Variants in SLC44A3 observed in about 807,000 individuals in gnomAD.
The protein encoded by SLC44A3 is solute carrier family 44 member 3.
A neutral mutation model predicts 75.4 loss-of-function variants in SLC44A3; 74 were observed. The observed-to-expected ratio is 0.98, with a 90% CI of 0.81 to 1.19. The LOEUF (loss-of-function observed/expected upper bound fraction) is 1.19. Among genes scored for constraint, SLC44A3 ranks in the 50% most tolerant of loss-of-function variants. The probability of loss-of-function intolerance (pLI) is 0.00; values close to 1 mark genes in which losing one functional copy is unlikely to be tolerated. For synonymous variants in SLC44A3, 310 were observed against 296.9 expected (o/e 1.04, Z -0.45); for missense variants, 700 against 778.6 (o/e 0.90, Z 1.20).
intron 5 of SLC44A3, among the ~76,000 whole-genome samples, chr1:94,829,286 A>G (rs1465518069): frequency 9.6e-6 from 1 of 104,184 alleles, no homozygotes; most frequent in Admixed American, 9.8e-5. Flanking sequence ...TGTCTCAAAA[A>G]AAAAAAGAAA....
rs556974270 is a variant in SLC44A3, at chr1:94,868,085, C to T, written c.1482+668C>T. 5.9e-5 allele frequency among the ~76,000 whole-genome samples: 9 copies of T among 152,172 alleles called. No individual in the cohort carries two copies. In the South Asian group the frequency reaches 1.5e-3, roughly 25 times the overall value. On this transcript the variant is annotated intron_variant, in intron 12 of 14. Coordinates refer to ENST00000271227, the MANE Select transcript of SLC44A3 (RefSeq NM_001114106.3). Reference sequence around the variant, plus strand: ...GCCTTTAAAATTATAAAAATTATATCTTGCAATTGTTTGGATTTCAGATTT... The same window carrying T: ...GCCTTTAAAATTATAAAAATTATATTTTGCAATTGTTTGGATTTCAGATTT...
At chr1:94,865,565 A>G (rs1040361918) in intron 11 of SLC44A3, among the ~76,000 whole-genome samples, 1 of 152,172 alleles carries the variant, frequency 6.6e-6, no homozygotes, top group Non-Finnish European at 1.5e-5. Context: ...ATTTCCATGC[A>G]CATTTGGTTA....
At chr1:94,849,060 G>A (rs1664842063) in intron 9 of SLC44A3, among the ~76,000 whole-genome samples, 1 of 152,072 alleles carries the variant, frequency 6.6e-6, no homozygotes, top group Non-Finnish European at 1.5e-5. Flanking sequence ...CCCCTTAACT[G>A]CCAGCCTGTG....
At chr1:94,892,199 T>C (rs1217971926) in intron 13 of SLC44A3, 82 bp from the exon 14 acceptor site, 1 of 1,282,112 alleles carries the variant, frequency 7.8e-7, no homozygotes, top group African/African-American at 1.5e-5. Context: ...CAGGAACGTA[T>C]ATTAAACCAT....
chr1:94,830,494 A>G (rs1782396), intron 5 of SLC44A3, among the ~76,000 whole-genome samples: 79,194 of 151,722 alleles, frequency 0.52, 20,831 homozygotes, highest in East Asian at 0.69. Context: ...TACAGGCATG[A>G]TCCACCACGC....
At chr1:94,850,212 T>A (rs1412121891) in intron 9 of SLC44A3, among the ~76,000 whole-genome samples, 2 of 152,122 alleles carry the variant, frequency 1.3e-5, no homozygotes, top group Non-Finnish European at 2.9e-5. Flanking sequence ...TTTCAGCAGG[T>A]CATATCAAGC....
In SLC44A3 at chr1:94,895,044, T is replaced by C. The variant is rs1013538115; in HGVS notation, c.*122T>C. On this transcript the variant is annotated 3_prime_UTR_variant, in exon 15 of 15. Transcript: ENST00000271227. ...TTTTTAAAAGACCTAATAAACCCTATTCTTCCTCATTGTCTTTGTCATTAT... is the reference window on the plus strand; with the variant it reads ...TTTTTAAAAGACCTAATAAACCCTACTCTTCCTCATTGTCTTTGTCATTAT... The C allele has an allele frequency of 1.8e-5, 12 of 649,296 alleles. No individual in the cohort carries two copies. The highest frequency in any genetic ancestry group is 3.2e-5 in the Non-Finnish European group (12 of 373,046). The allele number at this position is 649,296 out of a possible 1,614,324, so 40.2% of individuals were successfully genotyped here.
At chr1:94,854,483 C>T (rs931390978) in intron 9 of SLC44A3, among the ~76,000 whole-genome samples, 6 of 152,330 alleles carry the variant, frequency 3.9e-5, no homozygotes, top group African/African-American at 1.4e-4. Flanking sequence ...ATTAGCTACC[C>T]ATGATAGTAG....
chr1:94,841,204 G>A (rs1423774811), intron 7 of SLC44A3, among the ~76,000 whole-genome samples: 1 of 152,192 alleles, frequency 6.6e-6, no homozygotes, highest in African/African-American at 2.4e-5. Context: ...ACACATCTAA[G>A]CACAGAAAAG....
chr1:94,841,505 T>G (rs912178279), intron 7 of SLC44A3, among the ~76,000 whole-genome samples: 1 of 152,178 alleles, frequency 6.6e-6, no homozygotes, highest in Non-Finnish European at 1.5e-5. Flanking sequence ...GTGGAGTACT[T>G]GCAATGTCAG....
chr1:94,862,062 T>C (rs1185926602), intron 10 of SLC44A3, among the ~76,000 whole-genome samples: 2 of 152,056 alleles, frequency 1.3e-5, no homozygotes, highest in African/African-American at 4.8e-5. Context: ...CTAGCAAGAG[T>C]TACCCAGGCC....
At chr1:94,865,390 G>A (rs961026110) in intron 11 of SLC44A3, among the ~76,000 whole-genome samples, 1 of 152,132 alleles carries the variant, frequency 6.6e-6, no homozygotes, top group Non-Finnish European at 1.5e-5. Context: ...GAGGAAGAAC[G>A]AGGGAGAAAA....
chr1:94,868,556 T>TA (rs1304222576), intron 12 of SLC44A3, among the ~76,000 whole-genome samples: 1 of 152,202 alleles, frequency 6.6e-6, no homozygotes, highest in Non-Finnish European at 1.5e-5. Context: ...GGGGAACATA[T>TA]AACAAGTCAG....
chr1:94,824,179 G>A (rs12059131), intron 2 of SLC44A3, among the ~76,000 whole-genome samples: 2,323 of 151,848 alleles, frequency 0.015, 55 homozygotes, highest in African/African-American at 0.054. Flanking sequence ...AAATTGAATT[G>A]TCCCAGTAAA....
At chr1:94,827,420 T>C (rs1046424165) in intron 3 of SLC44A3, 87 bp from the exon 4 acceptor site, 2 of 1,524,134 alleles carry the variant, frequency 1.3e-6, no homozygotes, top group African/African-American at 1.4e-5. Context: ...CTGCATTTGA[T>C]AGCATGTGGA....
Position 94,820,481 on chromosome 1 carries a change from A to AAGCGCTCGCAGCCTC in SLC44A3, c.27+4_27+18dup. The AAGCGCTCGCAGCCTC allele has an allele frequency of 6.7e-7, 1 of 1,494,628 alleles. No homozygotes were observed. Among genetic ancestry groups the AAGCGCTCGCAGCCTC allele is most frequent in the Middle Eastern group, 1.8e-4 (1 of 5,482 alleles). 92.6% of individuals were successfully genotyped at this position (1,494,628 alleles called of 1,614,324 possible). ...ACTGCCTGGGCGCCGAGTACCTGGT[A>AAGCGCTCGCAGCCTC]AGCGCTCGCAGCCTCGGCCCTCGGG... On this transcript the variant is annotated splice_donor_region_variant and intron_variant, in intron 1 of 14. Transcript: ENST00000271227.
intron 12 of SLC44A3, chr1:94,888,840 C>A: frequency 3.0e-6 from 1 of 332,278 alleles, no homozygotes; most frequent in Non-Finnish European, 4.3e-6. Flanking sequence ...AGCGTTTCTC[C>A]TGCCTCAGCC....
At chr1:94,881,975 G>A (rs572874320) in intron 12 of SLC44A3, among the ~76,000 whole-genome samples, 4 of 151,998 alleles carry the variant, frequency 2.6e-5, no homozygotes, top group Admixed American at 6.6e-5. Flanking sequence ...AGCTGAGATC[G>A]CACCACTGCA....
At chr1:94,885,269 A>G (rs143392992) in intron 12 of SLC44A3, among the ~76,000 whole-genome samples, 10 of 149,398 alleles carry the variant, frequency 6.7e-5, no homozygotes, top group Non-Finnish European at 1.3e-4. Context: ...AATACCACCC[A>G]TGGTGATTAT....
Sources: gnomAD v4.1 joint callset for allele counts (sites outside exome capture counted in the v4.1 genomes callset) on GRCh38, gnomAD v4.1.1 for gene constraint, MANE v1.5 for transcripts, NCBI Gene and HGNC (gene_info 2026-07-23, HGNC 2026-07-21) for gene names.